The following CDH17 variants were observed in gnomAD, a reference collection of about 807,000 sequenced individuals.
The protein encoded by CDH17 is cadherin 17, also known as cadherin-17.
In CDH17, 67 loss-of-function variants were observed where a neutral mutation model predicts 86.3. The ratio of observed to expected loss-of-function variants is 0.78; its 90% CI spans 0.64 to 0.95. The LOEUF (loss-of-function observed/expected upper bound fraction) is 0.95, where lower values mean the gene tolerates loss of function less well. Ranked by LOEUF, CDH17 falls within the 40% of genes least tolerant of loss-of-function variation. CDH17 has a pLI of 0.00. For missense variants in CDH17, 993 were observed against 1,017.6 expected (o/e 0.98, Z 0.33); for synonymous variants, 367 against 366.4 (o/e 1.00, Z -0.02).
At chr8:94,139,268 T>G (rs1207864514) in intron 15 of CDH17, among the ~76,000 whole-genome samples, 2 of 151,846 alleles carry the variant, frequency 1.3e-5, no homozygotes, top group Non-Finnish European at 2.9e-5. Flanking sequence ...AACAGTAAAC[T>G]TGAAGATATA....
chr8:94,133,765 A>T (rs768646771), intron 15 of CDH17, among the ~76,000 whole-genome samples: 1 of 152,080 alleles, frequency 6.6e-6, no homozygotes, highest in African/African-American at 2.4e-5. Flanking sequence ...TCCAGTTTTT[A>T]CCCATTCAAT....
At chr8:94,132,395 T>C (rs1259765855) in intron 15 of CDH17, among the ~76,000 whole-genome samples, 3 of 152,344 alleles carry the variant, frequency 2.0e-5, no homozygotes, top group Middle Eastern at 3.4e-3. Flanking sequence ...TGGTATCTCA[T>C]TGTGGTTTTG....
chr8:94,142,059 G>C (rs192414328), intron 15 of CDH17, among the ~76,000 whole-genome samples: 6 of 151,902 alleles, frequency 3.9e-5, no homozygotes, highest in Non-Finnish European at 7.4e-5. Flanking sequence ...GTGGTCACTT[G>C]ATTTTTGCCA....
chr8:94,216,780 TTATCTC>T (rs1814201064), intron 1 of CDH17, among the ~76,000 whole-genome samples: 1 of 152,188 alleles, frequency 6.6e-6, no homozygotes. Flanking sequence ...CTCCTCTTCT[TTATCTC>T]TAAAGAGAGG....
intron 3 of CDH17, among the ~76,000 whole-genome samples, chr8:94,187,265 G>A (rs1023558177): frequency 2.0e-5 from 3 of 152,182 alleles, no homozygotes; most frequent in South Asian, 4.1e-4. Flanking sequence ...ATAAAAATCA[G>A]TCACTCTTTC....
At chr8:94,204,120 T>C (rs1805616770) in intron 1 of CDH17, among the ~76,000 whole-genome samples, 1 of 152,156 alleles carries the variant, frequency 6.6e-6, no homozygotes, top group South Asian at 2.1e-4. Context: ...TTTTAAAAAA[T>C]GTTTGTCTCA....
chr8:94,208,685 G>A (rs529214350), upstream of CDH17: 1 of 151,638 alleles, frequency 6.6e-6, no homozygotes, highest in South Asian at 2.1e-4. Context: ...CATAAAAAGT[G>A]TCATTACTTT....
At chr8:94,205,114 C>A (rs768804058) in intron 1 of CDH17, among the ~76,000 whole-genome samples, 1 of 152,146 alleles carries the variant, frequency 6.6e-6, no homozygotes, top group Non-Finnish European at 1.5e-5. Flanking sequence ...TCAGCATTGA[C>A]TTCCCTCACG....
Position 94,160,168 on chromosome 8 carries a change from G to A in CDH17, c.1360-6C>T, listed in dbSNP as rs767887356. 2 of 1,601,836 alleles carry A rather than the reference G, an allele frequency of 1.2e-6. No homozygotes were observed. Among genetic ancestry groups the A allele is most frequent in the Non-Finnish European group, 1.7e-6 (2 of 1,173,544 alleles). Reference sequence around the variant, plus strand: ...GCAAGAGTCAGGTTTCCATACTAAGGAGAAAATGGAGAAGGAAACAATGAG... The same window carrying A: ...GCAAGAGTCAGGTTTCCATACTAAGAAGAAAATGGAGAAGGAAACAATGAG... On this transcript the variant is annotated splice_polypyrimidine_tract_variant and splice_region_variant and intron_variant, in intron 11 of 17. Transcript: ENST00000027335.
intron 1 of CDH17, among the ~76,000 whole-genome samples, chr8:94,198,187 C>T (rs1359049083): frequency 1.3e-5 from 2 of 152,150 alleles, no homozygotes; most frequent in Admixed American, 1.3e-4. Context: ...AATTAAGCAA[C>T]TTGCCCTGAA....
chr8:94,138,511 G>C (rs982465300), intron 15 of CDH17, among the ~76,000 whole-genome samples: 1 of 152,162 alleles, frequency 6.6e-6, no homozygotes, highest in East Asian at 1.9e-4. Context: ...ACAGGAGTAA[G>C]GCAAAGTTAA....
intron 10 of CDH17, among the ~76,000 whole-genome samples, chr8:94,163,156 G>A (rs186433249): frequency 3.0e-4 from 46 of 152,324 alleles, no homozygotes; most frequent in African/African-American, 1.0e-3. Flanking sequence ...ATAACTTCAT[G>A]TTGTAGGTGC....
At chr8:94,171,545 T>A (rs997677301) in intron 7 of CDH17, among the ~76,000 whole-genome samples, 1 of 152,174 alleles carries the variant, frequency 6.6e-6, no homozygotes, top group Non-Finnish European at 1.5e-5. Context: ...GTAAACAACC[T>A]GGCAAAAATA....
At chr8:94,206,478 C>T (rs1358458341) in intron 1 of CDH17, among the ~76,000 whole-genome samples, 1 of 152,166 alleles carries the variant, frequency 6.6e-6, no homozygotes, top group Admixed American at 6.6e-5. Context: ...CACTGTTTGT[C>T]GGCCTCCAGA....
Position 94,127,983 on chromosome 8 carries a change from C to T in CDH17, c.*257G>A. On this transcript the variant is annotated 3_prime_UTR_variant, in exon 18 of 18. Transcript: ENST00000027335. Reference sequence around the variant, plus strand: ...TGGTGGGTGCCTGTAAACCCAGCTACTTAGGAAGCTGAGGCAGGAGAATCA... The same window carrying T: ...TGGTGGGTGCCTGTAAACCCAGCTATTTAGGAAGCTGAGGCAGGAGAATCA... 1 of 337,304 alleles carries T rather than the reference C, an allele frequency of 3.0e-6. No individual in the cohort carries two copies. The highest frequency in any genetic ancestry group is 2.2e-5 in the African/African-American group (1 of 46,124). 20.9% of individuals were successfully genotyped at this position (337,304 alleles called of 1,614,324 possible). A position where few individuals can be genotyped will look rare whatever the true frequency, so the allele number is the denominator to read the frequency against.
At chr8:94,174,863 T>C (rs149286548) in intron 5 of CDH17, among the ~76,000 whole-genome samples, 2,537 of 152,334 alleles carry the variant, frequency 0.017, 28 homozygotes, top group Non-Finnish European at 0.023. Context: ...TTTTTCTTAC[T>C]ATTTTTGTCT....
chr8:94,171,862 T>C (rs1441976789), intron 7 of CDH17, among the ~76,000 whole-genome samples: 1 of 152,082 alleles, frequency 6.6e-6, no homozygotes, highest in Non-Finnish European at 1.5e-5. Flanking sequence ...CTTTGTCCCT[T>C]GCTAATTATT....
chr8:94,173,051 C>G (rs1813299746), intron 7 of CDH17, among the ~76,000 whole-genome samples: 2 of 152,156 alleles, frequency 1.3e-5, no homozygotes, highest in South Asian at 4.1e-4. Context: ...AAACCATGTC[C>G]ATACATAGTG....
At chr8:94,201,450 T>C (rs900982100) in intron 1 of CDH17, among the ~76,000 whole-genome samples, 20 of 152,310 alleles carry the variant, frequency 1.3e-4, no homozygotes, top group African/African-American at 4.3e-4. Flanking sequence ...ACTGATGTCC[T>C]TCTAAGAAGA....
Sources: gnomAD v4.1 joint callset for allele counts (sites outside exome capture counted in the v4.1 genomes callset) on GRCh38, gnomAD v4.1.1 for gene constraint, MANE v1.5 for transcripts, NCBI Gene and HGNC (gene_info 2026-07-23, HGNC 2026-07-21) for gene names.